The following OXR1 variants were observed in gnomAD, a reference collection of about 807,000 sequenced individuals.
OXR1 encodes the protein oxidation resistance protein 1.
A neutral mutation model predicts 104.6 loss-of-function variants in OXR1; 41 were observed. That is an observed-to-expected ratio of 0.39 (90% CI 0.31 to 0.51). The LOEUF is 0.51. Among genes scored for constraint, OXR1 ranks in the 20% least tolerant of loss-of-function variants. OXR1 has a pLI of 0.77. For missense variants in OXR1, 955 were observed against 1,031.9 expected (o/e 0.93, Z 1.02); for synonymous variants, 348 against 348.4 (o/e 1.00, Z 0.01).
intron 2 of OXR1, among the ~76,000 whole-genome samples, chr8:106,385,461 T>C (rs977727772): frequency 6.6e-6 from 1 of 152,210 alleles, no homozygotes; most frequent in Non-Finnish European, 1.5e-5. Flanking sequence ...CCATTTCCTA[T>C]AATATAACTT....
chr8:106,737,087 G>C (rs576421429), intron 11 of OXR1, among the ~76,000 whole-genome samples: 1 of 152,044 alleles, frequency 6.6e-6, no homozygotes. Flanking sequence ...AATTCTTCCA[G>C]CATGGCCATT....
chr8:106,472,642 T>A (rs754094740), intron 2 of OXR1, among the ~76,000 whole-genome samples: 42 of 151,864 alleles, frequency 2.8e-4, no homozygotes, highest in Non-Finnish European at 2.9e-4. Context: ...TGCTATCCCA[T>A]GCTTAGGTAA....
At chr8:106,482,537 C>T (rs575894720) in intron 2 of OXR1, among the ~76,000 whole-genome samples, 2 of 151,928 alleles carry the variant, frequency 1.3e-5, no homozygotes, top group Non-Finnish European at 2.9e-5. Context: ...TAAAAAATAC[C>T]TACTACTCAA....
At chr8:106,488,620 C>G (rs902990640) in intron 2 of OXR1, among the ~76,000 whole-genome samples, 1 of 150,372 alleles carries the variant, frequency 6.7e-6, no homozygotes, top group Non-Finnish European at 1.5e-5. Context: ...AGGAAGGGAT[C>G]CAGTTTCAGC....
At chr8:106,436,214 C>G (rs1287359821) in intron 2 of OXR1, among the ~76,000 whole-genome samples, 1 of 152,012 alleles carries the variant, frequency 6.6e-6, no homozygotes, top group Admixed American at 6.6e-5. Context: ...TCACCTAGAC[C>G]CTTGCATATG....
At chr8:106,350,678 A>G (rs1815686383) in intron 1 of OXR1, among the ~76,000 whole-genome samples, 1 of 152,188 alleles carries the variant, frequency 6.6e-6, no homozygotes, top group African/African-American at 2.4e-5. Context: ...CAAAGACTGT[A>G]TTTTCAGGAT....
chr8:106,525,170 A>AG (rs1813562900), intron 3 of OXR1, among the ~76,000 whole-genome samples: 1 of 152,190 alleles, frequency 6.6e-6, no homozygotes, highest in African/African-American at 2.4e-5. Flanking sequence ...AGAGGAGAGG[A>AG]GGGAGTCTGC....
At chr8:106,402,431 C>T (rs1307286685) in intron 2 of OXR1, among the ~76,000 whole-genome samples, 1 of 152,122 alleles carries the variant, frequency 6.6e-6, no homozygotes, top group Non-Finnish European at 1.5e-5. Flanking sequence ...CTGCCAGCTG[C>T]TGAGTATATT....
In OXR1 at chr8:106,706,826, T is replaced by C; in HGVS notation, c.1305T>C (p.Gly435=). The change falls in exon 9 of 17, where the codon GGT becomes GGC. Residue 435 remains glycine (G), a synonymous_variant. Transcript: ENST00000517566. ...CAGATAACTTTCAAGGAATATCAGG[T>C]CCTAAAGAAGACAGCACAAGTATAA... ...QIADNFQGIS[G]PKEDSTSIKG... is the part of the protein sequence containing the mutation. The C allele has an allele frequency of 3.1e-6, 5 of 1,612,254 alleles. No individual in the cohort carries two copies. Among genetic ancestry groups the C allele is most frequent in the Non-Finnish European group, 4.2e-6 (5 of 1,179,490 alleles).
intron 2 of OXR1, among the ~76,000 whole-genome samples, chr8:106,513,519 G>A (rs1812673904): frequency 6.6e-6 from 1 of 152,066 alleles, no homozygotes; most frequent in South Asian, 2.1e-4. Context: ...TACCACATAA[G>A]GGACTTGTAT....
At chr8:106,402,381 T>A (rs1818035663) in intron 2 of OXR1, among the ~76,000 whole-genome samples, 1 of 152,218 alleles carries the variant, frequency 6.6e-6, no homozygotes, top group Non-Finnish European at 1.5e-5. Context: ...TTTGCCATAA[T>A]GATCCTGACT....
At chr8:106,527,252 G>C (rs530161726) in intron 3 of OXR1, among the ~76,000 whole-genome samples, 1 of 152,276 alleles carries the variant, frequency 6.6e-6, no homozygotes, top group South Asian at 2.1e-4. Flanking sequence ...TGAGCTTGTT[G>C]TTGTTGTGAA....
intron 1 of OXR1, among the ~76,000 whole-genome samples, chr8:106,306,884 T>C (rs886535952): frequency 6.6e-6 from 1 of 151,854 alleles, no homozygotes; most frequent in African/African-American, 2.4e-5. Context: ...TTATGTAGAT[T>C]TTCAAAATAG....
chr8:106,485,246 C>A (rs1340155649), intron 2 of OXR1, among the ~76,000 whole-genome samples: 1 of 152,064 alleles, frequency 6.6e-6, no homozygotes, highest in Non-Finnish European at 1.5e-5. Context: ...ATGTTGGATA[C>A]ACATCACTAT....
chr8:106,538,594 T>C (rs1306453562), intron 3 of OXR1, among the ~76,000 whole-genome samples: 1 of 152,222 alleles, frequency 6.6e-6, no homozygotes, highest in African/African-American at 2.4e-5. Flanking sequence ...TGCAGTTTCA[T>C]AAACTTCTTT....
chr8:106,335,714 T>C (rs1814933021), intron 1 of OXR1, among the ~76,000 whole-genome samples: 1 of 152,200 alleles, frequency 6.6e-6, no homozygotes, highest in African/African-American at 2.4e-5. Context: ...TAGTTAAAAC[T>C]ATGCTCAGGG....
chr8:106,321,135 TAAG>T (rs1365814032), intron 1 of OXR1, among the ~76,000 whole-genome samples: 4 of 152,288 alleles, frequency 2.6e-5, no homozygotes, highest in East Asian at 3.9e-4. Flanking sequence ...TCTCTACAAA[TAAG>T]AAGTTAAAAA....
At chr8:106,308,827 C>T (rs953626616) in intron 1 of OXR1, among the ~76,000 whole-genome samples, 1 of 152,080 alleles carries the variant, frequency 6.6e-6, no homozygotes, top group Non-Finnish European at 1.5e-5. Context: ...GGAAAATATT[C>T]AATATTTACT....
At chr8:106,464,057 G>A (rs897846903) in intron 2 of OXR1, among the ~76,000 whole-genome samples, 2 of 150,240 alleles carry the variant, frequency 1.3e-5, no homozygotes, top group East Asian at 1.9e-4. Flanking sequence ...ATTTTTTTCT[G>A]TTACTTATTT....
Sources: gnomAD v4.1 joint callset for allele counts (sites outside exome capture counted in the v4.1 genomes callset) on GRCh38, gnomAD v4.1.1 for gene constraint, MANE v1.5 for transcripts, NCBI Gene and HGNC (gene_info 2026-07-23, HGNC 2026-07-21) for gene names.